The following CSMD1 variants were observed in gnomAD, a reference collection of about 807,000 sequenced individuals.
CSMD1 encodes the protein CUB and Sushi multiple domains 1.
A neutral mutation model predicts 417.5 loss-of-function variants in CSMD1; 213 were observed. The observed-to-expected ratio is 0.51, with a 90% confidence interval of 0.46 to 0.57. The LOEUF is 0.57. Among genes scored for constraint, CSMD1 ranks in the 20% least tolerant of loss-of-function variants. The pLI, the probability that CSMD1 is intolerant of heterozygous loss-of-function variation, is 0.00. For synonymous variants in CSMD1, 2,862 were observed against 1,736.8 expected, an observed-to-expected ratio of 1.65 and a Z score of -16.11; for missense variants, 6,923 against 4,529.7, an observed-to-expected ratio of 1.53 and a Z score of -15.17.
chr8:3,464,254 A>G (rs1396218820), intron 12 of CSMD1, among the ~76,000 whole-genome samples: 2 of 152,182 alleles, frequency 1.3e-5, no homozygotes, highest in Non-Finnish European at 2.9e-5. Context: ...TCACTTTACT[A>G]TAGACAGAGA....
intron 11 of CSMD1, among the ~76,000 whole-genome samples, chr8:3,477,488 G>C (rs369213791): frequency 3.3e-5 from 5 of 152,200 alleles, no homozygotes; most frequent in East Asian, 1.9e-4. Flanking sequence ...GGGTGAGCTG[G>C]AGATTAATAA....
chr8:3,503,953 C>A (rs143081306), intron 10 of CSMD1, among the ~76,000 whole-genome samples: 1 of 151,590 alleles, frequency 6.6e-6, no homozygotes, highest in Non-Finnish European at 1.5e-5. Context: ...GGGGTTAGGG[C>A]GTGGACAAGA....
At chr8:3,558,583 GGTGTCTC>G (rs1799309899) in intron 10 of CSMD1, among the ~76,000 whole-genome samples, 5 of 100,166 alleles carry the variant, frequency 5.0e-5, no homozygotes, top group African/African-American at 1.5e-4. Flanking sequence ...AATGATGAAT[GGTGTCTC>G]AATAGTACCC....
intron 1 of CSMD1, among the ~76,000 whole-genome samples, chr8:4,961,746 C>A (rs1391360681): frequency 6.6e-6 from 1 of 152,076 alleles, no homozygotes; most frequent in Admixed American, 6.6e-5. Flanking sequence ...AGTTTCACAA[C>A]ATTTTCAATC....
intron 1 of CSMD1, among the ~76,000 whole-genome samples, chr8:4,876,442 T>G (rs1214323528): frequency 6.6e-6 from 1 of 152,116 alleles, no homozygotes; most frequent in African/African-American, 2.4e-5. Flanking sequence ...CTTTACTTCA[T>G]ACATACTAAG....
Position 4,238,980 on chromosome 8 carries a change from T to G in CSMD1, c.415+180973A>C, listed in dbSNP as rs112645777. 6.4e-3 allele frequency among the ~76,000 whole-genome samples: 973 copies of G among 152,302 alleles called. 10 individuals are homozygous for G. Among genetic ancestry groups the G allele is most frequent in the African/African-American group, 0.023 (938 of 41,564 alleles). ...GAGAGTAGACAGCCCAGAGTCCCAT[T>G]TTCCTGCTTCCCATCACTATGGCTA... is the stretch of plus-strand genomic sequence containing the variant. On this transcript the variant is annotated intron_variant, in intron 3 of 69. Transcript: ENST00000635120.
chr8:3,018,073 T>A (rs1358438150), intron 52 of CSMD1, among the ~76,000 whole-genome samples: 1 of 152,330 alleles, frequency 6.6e-6, no homozygotes, highest in Middle Eastern at 3.4e-3. Flanking sequence ...TGTAGACATA[T>A]AGCATTTTAA....
At chr8:3,908,097 T>G (rs1388772104) in intron 5 of CSMD1, among the ~76,000 whole-genome samples, 3 of 152,302 alleles carry the variant, frequency 2.0e-5, no homozygotes, top group Non-Finnish European at 4.4e-5. Context: ...CCCTAATGTC[T>G]GTTGAGGCTT....
intron 3 of CSMD1, among the ~76,000 whole-genome samples, chr8:4,281,570 C>T (rs576373250): frequency 6.6e-6 from 1 of 152,120 alleles, no homozygotes; most frequent in Non-Finnish European, 1.5e-5. Flanking sequence ...TGAGACTGTT[C>T]TTTTTCTGTT....
At chr8:4,376,109 G>C in intron 3 of CSMD1, among the ~76,000 whole-genome samples, 1 of 152,310 alleles carries the variant, frequency 6.6e-6, no homozygotes, top group East Asian at 1.9e-4. Context: ...GTAGGACTCA[G>C]CTTATCAAAA....
intron 1 of CSMD1, among the ~76,000 whole-genome samples, chr8:4,940,023 A>G (rs1294890590): frequency 6.6e-6 from 1 of 152,204 alleles, no homozygotes; most frequent in African/African-American, 2.4e-5. Flanking sequence ...TGAAAGATCC[A>G]TGTGCCTGCA....
intron 10 of CSMD1, among the ~76,000 whole-genome samples, chr8:3,568,823 G>A (rs1268597796): frequency 1.3e-5 from 2 of 152,000 alleles, no homozygotes; most frequent in African/African-American, 2.4e-5. Flanking sequence ...TCTTTCCAAT[G>A]AAGACCCTGG....
intron 4 of CSMD1, among the ~76,000 whole-genome samples, chr8:4,007,678 C>T (rs907915216): frequency 1.4e-5 from 2 of 146,574 alleles, no homozygotes; most frequent in African/African-American, 5.0e-5. Flanking sequence ...CTTTCTTCCT[C>T]TTTTTTTTTT....
chr8:3,493,387 A>G (rs141754697), intron 11 of CSMD1, among the ~76,000 whole-genome samples: 4 of 152,156 alleles, frequency 2.6e-5, no homozygotes, highest in African/African-American at 9.6e-5. Context: ...TTTTGCCATA[A>G]ACATATATGT....
intron 5 of CSMD1, among the ~76,000 whole-genome samples, chr8:3,958,105 A>C (rs1013760642): frequency 6.6e-6 from 1 of 152,320 alleles, no homozygotes; most frequent in Non-Finnish European, 1.5e-5. Flanking sequence ...TACTTGAAGA[A>C]AAAGTCAACA....
At chr8:4,989,970 A>G (rs992584483) in intron 1 of CSMD1, among the ~76,000 whole-genome samples, 11 of 152,196 alleles carry the variant, frequency 7.2e-5, no homozygotes, top group African/African-American at 2.7e-4. Context: ...TAGAAGCTTC[A>G]GCACTGTGGT....
intron 3 of CSMD1, among the ~76,000 whole-genome samples, chr8:4,318,632 A>T (rs1799080632): frequency 6.8e-6 from 1 of 147,090 alleles, no homozygotes; most frequent in African/African-American, 2.5e-5. Flanking sequence ...AAAGTGACAC[A>T]CCTTCTAAAT....
chr8:4,115,044 A>T (rs1348858161), intron 3 of CSMD1, among the ~76,000 whole-genome samples: 3 of 152,220 alleles, frequency 2.0e-5, no homozygotes, highest in African/African-American at 7.2e-5. Context: ...AATTGATTCA[A>T]ATTTTGAAAG....
At chr8:3,952,900 G>A (rs551373182) in intron 5 of CSMD1, among the ~76,000 whole-genome samples, 8 of 152,248 alleles carry the variant, frequency 5.3e-5, no homozygotes, top group South Asian at 2.1e-4. Context: ...GCAACTCAGC[G>A]AAAGCTGTAT....
Sources: allele counts gnomAD v4.1 joint callset (sites outside exome capture counted in the v4.1 genomes callset), GRCh38; gene constraint gnomAD v4.1.1; transcripts MANE v1.5; gene names NCBI Gene and HGNC (gene_info 2026-07-23, HGNC 2026-07-21).